Variants in RBFOX1 observed in about 807,000 individuals in gnomAD.
RBFOX1 encodes RNA binding protein fox-1 homolog 1.
In RBFOX1, 8 loss-of-function variants were observed where a neutral mutation model predicts 57.7. That is an observed-to-expected ratio of 0.14 (90% CI 0.08 to 0.25). The LOEUF (loss-of-function observed/expected upper bound fraction) is 0.25, where lower values mean the gene tolerates loss of function less well. RBFOX1 is among the 10% of genes least tolerant of loss of function. The pLI is 1.00. For synonymous variants in RBFOX1, 326 were observed against 222.4 expected (o/e 1.47, Z -4.15); for missense variants, 611 against 548.5 (o/e 1.11, Z -1.14).
At chr16:7,279,043 G>C (rs1178063562) in intron 4 of RBFOX1, among the ~76,000 whole-genome samples, 1 of 150,484 alleles carries the variant, frequency 6.6e-6, no homozygotes, top group Non-Finnish European at 1.5e-5. Context: ...TGGATAAAAA[G>C]TCCTATTTTA....
intron 3 of RBFOX1, among the ~76,000 whole-genome samples, chr16:6,813,930 A>G (rs2089421733): frequency 6.6e-6 from 1 of 152,142 alleles, no homozygotes; most frequent in African/African-American, 2.4e-5. Context: ...TCCTTCCTCA[A>G]GTTACCCAGC....
chr16:7,386,455 C>T (rs1001655254), intron 4 of RBFOX1, among the ~76,000 whole-genome samples: 3 of 151,656 alleles, frequency 2.0e-5, no homozygotes, highest in Admixed American at 6.6e-5. Context: ...GTTCACCTCC[C>T]ACTTATGAGA....
At chr16:7,703,822 C>G (rs72636233) in intron 14 of RBFOX1, among the ~76,000 whole-genome samples, 1 of 152,280 alleles carries the variant, frequency 6.6e-6, no homozygotes, top group South Asian at 2.1e-4. Context: ...ACATCTGTAA[C>G]TCATAAATTA....
At chr16:7,155,386 C>G (rs1362123275) in intron 4 of RBFOX1, among the ~76,000 whole-genome samples, 1 of 151,670 alleles carries the variant, frequency 6.6e-6, no homozygotes, top group African/African-American at 2.4e-5. Flanking sequence ...GCCAGGAGTT[C>G]AAAACCAGCC....
intron 4 of RBFOX1, among the ~76,000 whole-genome samples, chr16:5,948,512 C>G (rs760391258): frequency 6.6e-6 from 1 of 152,130 alleles, no homozygotes; most frequent in Non-Finnish European, 1.5e-5. Flanking sequence ...AAGATGAGGT[C>G]ATGCTGGATT....
intron 3 of RBFOX1, among the ~76,000 whole-genome samples, chr16:6,862,327 G>C (rs781277510): frequency 2.0e-4 from 30 of 152,274 alleles, no homozygotes; most frequent in Middle Eastern, 3.4e-3. Context: ...GCTCACAGGC[G>C]ATGCTGATCG....
intron 1 of RBFOX1, among the ~76,000 whole-genome samples, chr16:6,141,453 C>T (rs1055153279): frequency 6.6e-6 from 1 of 152,120 alleles, no homozygotes; most frequent in Non-Finnish European, 1.5e-5. Flanking sequence ...ACACTCAAAA[C>T]CAAACTCACC....
At chr16:6,872,129 C>A (rs762595754) in intron 3 of RBFOX1, among the ~76,000 whole-genome samples, 1 of 152,086 alleles carries the variant, frequency 6.6e-6, no homozygotes, top group Non-Finnish European at 1.5e-5. Flanking sequence ...TAATATGATA[C>A]GCTTTCTTTT....
chr16:6,418,146 A>G (rs1014313329), intron 2 of RBFOX1, among the ~76,000 whole-genome samples: 2 of 152,174 alleles, frequency 1.3e-5, no homozygotes, highest in East Asian at 3.9e-4. Context: ...GTCATGGTTT[A>G]TGCCATTTAA....
chr16:5,290,235 G>A lies in RBFOX1; in HGVS notation c.219+50130G>A, dbSNP rs1450799193. Among the ~76,000 whole-genome samples, 4 of 152,128 alleles carry A rather than the reference G, an allele frequency of 2.6e-5. No homozygotes were observed. The South Asian group carries it at 8.3e-4, about 32-fold the overall frequency. On this transcript the variant is annotated intron_variant, in intron 1 of 2. Coordinates refer to the RBFOX1 transcript ENST00000585867. Reference sequence around the variant, plus strand: ...AGATTAGCTTGGTGTGGTGGCAGACGCCTCTAATCCCAGCTACTTGGGAGG... The same window carrying A: ...AGATTAGCTTGGTGTGGTGGCAGACACCTCTAATCCCAGCTACTTGGGAGG...
chr16:6,720,479 C>T (rs948250641), intron 3 of RBFOX1, among the ~76,000 whole-genome samples: 1 of 152,136 alleles, frequency 6.6e-6, no homozygotes, highest in African/African-American at 2.4e-5. Context: ...CATACACGAC[C>T]TATGTGTTCA....
At chr16:7,678,966 C>T (rs1410547809) in intron 14 of RBFOX1, among the ~76,000 whole-genome samples, 1 of 152,096 alleles carries the variant, frequency 6.6e-6, no homozygotes, top group Non-Finnish European at 1.5e-5. Context: ...TATAATTGGC[C>T]TCTTGTTGTT....
chr16:5,776,795 A>G (rs2054163876), intron 3 of RBFOX1, among the ~76,000 whole-genome samples: 1 of 152,144 alleles, frequency 6.6e-6, no homozygotes, highest in Non-Finnish European at 1.5e-5. Flanking sequence ...AGATGTGTCT[A>G]CTTTCTCCCT....
At chr16:7,207,753 T>C (rs1259605357) in intron 4 of RBFOX1, among the ~76,000 whole-genome samples, 1 of 152,214 alleles carries the variant, frequency 6.6e-6, no homozygotes, top group East Asian at 1.9e-4. Context: ...CAGCCAGGGT[T>C]AATTTGCCTG....
chr16:6,545,494 C>T (rs964286490), intron 2 of RBFOX1, among the ~76,000 whole-genome samples: 2 of 152,116 alleles, frequency 1.3e-5, no homozygotes, highest in Non-Finnish European at 2.9e-5. Context: ...TCTCCTTCTG[C>T]CAGAGGATGC....
intron 1 of RBFOX1, among the ~76,000 whole-genome samples, chr16:6,071,197 T>C (rs145089750): frequency 6.6e-6 from 1 of 152,114 alleles, no homozygotes; most frequent in Non-Finnish European, 1.5e-5. Context: ...GGCACATGCC[T>C]GTAGGACCAG....
At chr16:6,940,108 C>A (rs962042616) in intron 3 of RBFOX1, among the ~76,000 whole-genome samples, 5 of 152,164 alleles carry the variant, frequency 3.3e-5, no homozygotes, top group Admixed American at 6.5e-5. Context: ...AGGAGAATCA[C>A]TTGAACCCAG....
chr16:5,472,365 T>G (rs1423402145), intron 2 of RBFOX1, among the ~76,000 whole-genome samples: 2 of 151,974 alleles, frequency 1.3e-5, no homozygotes, highest in Non-Finnish European at 2.9e-5. Flanking sequence ...CCAACCCCCA[T>G]TGCAAGAAAG....
intron 1 of RBFOX1, among the ~76,000 whole-genome samples, chr16:6,162,972 G>A (rs1260107246): frequency 1.3e-5 from 2 of 152,156 alleles, no homozygotes. Flanking sequence ...GACCTCAGGT[G>A]ATCCACCTGC....
Sources: allele counts gnomAD v4.1 joint callset (sites outside exome capture counted in the v4.1 genomes callset), GRCh38; gene constraint gnomAD v4.1.1; transcripts MANE v1.5; gene names NCBI Gene and HGNC (gene_info 2026-07-23, HGNC 2026-07-21).